Variants in APTX observed in about 807,000 individuals in gnomAD.
The protein encoded by APTX is aprataxin.
Under a neutral mutation model 42.3 loss-of-function variants are expected in APTX, and 33 were observed. The ratio of observed to expected loss-of-function variants is 0.78; its 90% CI spans 0.59 to 1.04. APTX has a LOEUF of 1.04. APTX is among the 50% of genes least tolerant of loss of function. The pLI is 0.00. For synonymous variants in APTX, 130 were observed against 146.7 expected, an observed-to-expected ratio of 0.89 and a Z score of 0.82; for missense variants, 421 against 415.1, an observed-to-expected ratio of 1.01 and a Z score of -0.12.
At chr9:32,977,265 C>A (rs1829643678) in intron 6 of APTX, among the ~76,000 whole-genome samples, 1 of 152,020 alleles carries the variant, frequency 6.6e-6, no homozygotes, top group Non-Finnish European at 1.5e-5. Flanking sequence ...GCAGGTGGAT[C>A]ACTTGAGGTC....
rs138890544 is a variant in APTX at position 33,025,094 on chromosome 9, G to A, written c.-76C>T. ...GCTCCAGAAGATTCCACGAGCGCCG[G>A]GAAGCCGCGCTAGCACCAACACCCA... is the stretch of plus-strand genomic sequence containing the variant. On this transcript the variant is annotated 5_prime_UTR_variant, in exon 1 of 7. Transcript: ENST00000436040. 895 of 152,476 alleles carry A rather than the reference G, an allele frequency of 5.9e-3. 3 individuals carry two copies. The highest frequency in any genetic ancestry group is 8.4e-3 in the Non-Finnish European group (570 of 68,178). 9.4% of individuals were successfully genotyped at this position (152,476 alleles called of 1,614,324 possible).
At chr9:33,001,709 T>C (rs1031033367), upstream of APTX, 10 of 1,479,388 alleles carry the variant, frequency 6.8e-6, no homozygotes, top group African/African-American at 1.1e-4. Context: ...GAAAGAATCT[T>C]GCCCACTTCC....
At chr9:32,980,343 A>C (rs1257223428) in intron 6 of APTX, 2 of 168,808 alleles carry the variant, frequency 1.2e-5, no homozygotes, top group East Asian at 3.2e-4. Context: ...CCAATGCTCC[A>C]GCTGTATTCT....
intron 1 of APTX, among the ~76,000 whole-genome samples, chr9:33,012,881 G>A (rs1837636970): frequency 6.6e-6 from 1 of 152,216 alleles, no homozygotes; most frequent in Admixed American, 6.5e-5. Flanking sequence ...GAAGTCATAA[G>A]ATTGTCTGAA....
At chr9:33,003,935 T>C (rs534588422), upstream of APTX, among the ~76,000 whole-genome samples, 59 of 152,306 alleles carry the variant, frequency 3.9e-4, no homozygotes, top group Non-Finnish European at 7.6e-4. Flanking sequence ...CTATTGTGAA[T>C]AATGCTGCTA....
chr9:33,017,511 T>C (rs1837986497), intron 1 of APTX, among the ~76,000 whole-genome samples: 1 of 152,014 alleles, frequency 6.6e-6, no homozygotes. Flanking sequence ...CATGACGTAG[T>C]CACTTCCCAA....
chr9:33,015,115 C>G (rs917948908), intron 1 of APTX, among the ~76,000 whole-genome samples: 3 of 152,056 alleles, frequency 2.0e-5, no homozygotes, highest in Admixed American at 2.0e-4. Context: ...TTTTCATTCT[C>G]CACACTTTTA....
In APTX at chr9:33,011,768, C is replaced by T. The variant is rs1396658051; in HGVS notation, c.-5+13255G>A. Reference sequence around the variant, plus strand: ...TCAACAAGCCAGACACAGCCCTTCCCCTTAAGGAGCTTTCAGTCTACTGAG... The same window carrying T: ...TCAACAAGCCAGACACAGCCCTTCCTCTTAAGGAGCTTTCAGTCTACTGAG... On this transcript the variant is annotated intron_variant, in intron 1 of 6. Transcript: ENST00000436040. Among the ~76,000 whole-genome samples, 4 of 152,312 alleles carry T rather than the reference C, an allele frequency of 2.6e-5. No individual in the cohort carries two copies. In the East Asian group the frequency reaches 7.7e-4, roughly 29 times the overall value.
chr9:32,998,430 T>C (rs909633050), intron 1 of APTX, among the ~76,000 whole-genome samples: 8 of 152,314 alleles, frequency 5.3e-5, no homozygotes, highest in Non-Finnish European at 7.3e-5. Context: ...TGTATGTTTA[T>C]TGCAGCACTA....
At position 32,980,897 on chromosome 9, in the gene APTX, C is replaced by T. The variant is rs75342596; in HGVS notation, c.770+3734G>A. Among the ~76,000 whole-genome samples the T allele has an allele frequency of 6.8e-3, 1,042 of 152,266 alleles. 17 individuals carry two copies. The highest frequency in any genetic ancestry group is 8.2e-3 in the Non-Finnish European group (560 of 68,028). On this transcript the variant is annotated intron_variant, in intron 6 of 7. Coordinates refer to ENST00000379817, the MANE Select transcript of APTX (RefSeq NM_001195248.2). ...AGTAGAATGCCTTTTTGTATAACAG[C>T]TTTCACTCTTATAATCAGTAATATT...
intron 6 of APTX, among the ~76,000 whole-genome samples, chr9:32,976,828 A>G (rs1369177595): frequency 6.6e-6 from 1 of 152,246 alleles, no homozygotes; most frequent in Admixed American, 6.5e-5. Context: ...ACAAGAAATT[A>G]CAAGAAATGA....
At position 32,989,830 on chromosome 9, in the gene APTX, T is replaced by A; in HGVS notation, c.62A>T (p.His21Leu). ...DSRHQRIRLP[H>L]LEAVVIGRGP... is the part of the protein sequence containing the mutation. Reference sequence around the variant, plus strand: ...ACGCCCAATCACAACTGCTTCCAAATGTGGAAGTCTGATTCGCTGGTGCCG... The same window carrying A: ...ACGCCCAATCACAACTGCTTCCAAAAGTGGAAGTCTGATTCGCTGGTGCCG... Residue 21 changes from histidine (H) to leucine (L), a missense_variant, in exon 2 of 8, where the codon CAT (histidine) becomes CTT (leucine). By Grantham distance (99) the His-to-Leu change is moderately conservative. Transcript: ENST00000379817. The A allele has an allele frequency of 6.2e-7, 1 of 1,614,258 alleles. No individual in the cohort carries two copies. Among genetic ancestry groups the A allele is most frequent in the South Asian group, 1.1e-5 (1 of 91,086 alleles).
intron 6 of APTX, among the ~76,000 whole-genome samples, chr9:32,978,762 A>G (rs1830034880): frequency 6.6e-6 from 1 of 152,210 alleles, no homozygotes; most frequent in African/African-American, 2.4e-5. Flanking sequence ...GGTGGGGGAC[A>G]GGAGAGCAGG....
chr9:33,016,092 G>GA (rs1837883650), intron 1 of APTX: 1 of 152,200 alleles, frequency 6.6e-6, no homozygotes, highest in Non-Finnish European at 1.5e-5. Context: ...TCTAGACCAA[G>GA]AGTCTGAGAT....
At chr9:32,997,603 G>C (rs964690807) in intron 1 of APTX, among the ~76,000 whole-genome samples, 4 of 110,276 alleles carry the variant, frequency 3.6e-5, no homozygotes, top group African/African-American at 1.3e-4. Flanking sequence ...AGGAAACAGG[G>C]AGAAGATTCC....
At chr9:33,002,607 C>T (rs1263144471), upstream of APTX, among the ~76,000 whole-genome samples, 1 of 152,224 alleles carries the variant, frequency 6.6e-6, no homozygotes, top group Admixed American at 6.5e-5. Flanking sequence ...CTACACAGCT[C>T]CTTGGCCATA....
chr9:32,983,391 C>T (rs1332512511), intron 6 of APTX, among the ~76,000 whole-genome samples: 1 of 152,154 alleles, frequency 6.6e-6, no homozygotes, highest in African/African-American at 2.4e-5. Context: ...CACAAGGGAA[C>T]TTTCTGGGAT....
rs761312797 is a variant in APTX, at chr9:32,992,900, A to G, written c.-4-3005T>C. On this transcript the variant is annotated intron_variant, in intron 1 of 7. Coordinates refer to ENST00000379817, the MANE Select transcript of APTX (RefSeq NM_001195248.2). ...TAAAATCCTAAACCTGGAGCCTCAAATGATGATGGTGTTATGGGCAGGTCC... is the reference window on the plus strand; with the variant it reads ...TAAAATCCTAAACCTGGAGCCTCAAGTGATGATGGTGTTATGGGCAGGTCC... Among the ~76,000 whole-genome samples the G allele has an allele frequency of 1.2e-4, 18 of 152,218 alleles. No individual in the cohort carries two copies. In the South Asian group the frequency reaches 2.1e-3, roughly 17 times the overall value.
chr9:33,007,287 C>A (rs1334695099), intron 1 of APTX, among the ~76,000 whole-genome samples: 1 of 152,106 alleles, frequency 6.6e-6, no homozygotes, highest in Non-Finnish European at 1.5e-5. Flanking sequence ...CAATAGTAAA[C>A]CATTTAAGAA....
Sources: gnomAD v4.1 joint callset for allele counts (sites outside exome capture counted in the v4.1 genomes callset) on GRCh38, gnomAD v4.1.1 for gene constraint, MANE v1.5 for transcripts, NCBI Gene and HGNC (gene_info 2026-07-23, HGNC 2026-07-21) for gene names.